The following CAMK1D variants were observed in gnomAD, a reference collection of about 807,000 sequenced individuals.
CAMK1D encodes calcium/calmodulin-dependent protein kinase type 1D.
CAMK1D carries 9 observed loss-of-function variants against 47.7 expected under a neutral mutation model. The observed-to-expected ratio is 0.19, with a 90% CI of 0.11 to 0.33. The LOEUF is 0.33. Ranked by LOEUF, CAMK1D falls within the 10% of genes least tolerant of loss-of-function variation. The pLI, the probability that CAMK1D is intolerant of heterozygous loss-of-function variation, is 1.00. For synonymous variants in CAMK1D, 184 were observed against 184.9 expected (o/e 0.99, Z 0.04); for missense variants, 291 against 488.7 (o/e 0.60, Z 3.81).
At chr10:12,412,848 CTG>C (rs1255476166) in intron 1 of CAMK1D, among the ~76,000 whole-genome samples, 1 of 152,094 alleles carries the variant, frequency 6.6e-6, no homozygotes, top group Non-Finnish European at 1.5e-5. Flanking sequence ...AGATGAATCA[CTG>C]GAGCATCTGT....
chr10:12,661,918 C>T (rs1840284375), intron 2 of CAMK1D, among the ~76,000 whole-genome samples: 1 of 152,218 alleles, frequency 6.6e-6, no homozygotes, highest in African/African-American at 2.4e-5. Context: ...CATCCCATTT[C>T]CCTTTTAAAT....
At chr10:12,619,705 A>C (rs1838932166) in intron 2 of CAMK1D, among the ~76,000 whole-genome samples, 2 of 152,148 alleles carry the variant, frequency 1.3e-5, no homozygotes, top group African/African-American at 2.4e-5. Flanking sequence ...TGTACCCTTT[A>C]CCAAGTTTCC....
chr10:12,814,091 A>C, intron 6 of CAMK1D, 104 bp from the exon 7 acceptor site: 2 of 770,800 alleles, frequency 2.6e-6, no homozygotes, highest in Non-Finnish European at 4.4e-6. Context: ...GCCTTGCCAG[A>C]TTTTCTTAAC....
chr10:12,640,623 T>C, intron 2 of CAMK1D, among the ~76,000 whole-genome samples: 1 of 152,176 alleles, frequency 6.6e-6, no homozygotes, highest in East Asian at 1.9e-4. Flanking sequence ...TTTTTTTTCT[T>C]ATGTGAGCTA....
rs7091058 is a variant in CAMK1D at position 12,517,097 on chromosome 10, G to A, written c.93-36128G>A. On this transcript the variant is annotated intron_variant, in intron 1 of 10. Coordinates refer to ENST00000619168, the MANE Select transcript of CAMK1D (RefSeq NM_153498.4). ...TTTCAGCATTTTATCCTGTATGTACGTTGTTATAGTAATGTTTACACCCAA... is the reference window on the plus strand; with the variant it reads ...TTTCAGCATTTTATCCTGTATGTACATTGTTATAGTAATGTTTACACCCAA... Among the ~76,000 whole-genome samples the A allele has an allele frequency of 1.3e-4, 20 of 151,924 alleles. No homozygotes were observed. The South Asian group carries it at 2.9e-3, about 22-fold the overall frequency.
chr10:12,365,270 C>G (rs1166811614), intron 1 of CAMK1D, among the ~76,000 whole-genome samples: 1 of 151,596 alleles, frequency 6.6e-6, no homozygotes, highest in Non-Finnish European at 1.5e-5. Flanking sequence ...TCTCTGAGTC[C>G]TGATGACCTT....
At chr10:12,752,676 A>T (rs1446937514) in intron 3 of CAMK1D, among the ~76,000 whole-genome samples, 2 of 152,228 alleles carry the variant, frequency 1.3e-5, no homozygotes, top group Non-Finnish European at 2.9e-5. Flanking sequence ...TTGTCATAGA[A>T]TCGGGGTCCT....
intron 1 of CAMK1D, among the ~76,000 whole-genome samples, chr10:12,433,891 G>A (rs1275989054): frequency 1.3e-5 from 2 of 152,184 alleles, no homozygotes; most frequent in African/African-American, 4.8e-5. Flanking sequence ...GGGGATTTCA[G>A]GTCCCCCAGT....
intron 1 of CAMK1D, among the ~76,000 whole-genome samples, chr10:12,380,623 C>T (rs1008644011): frequency 3.3e-5 from 5 of 152,096 alleles, no homozygotes; most frequent in Admixed American, 6.6e-5. Flanking sequence ...TTTGGGAGGC[C>T]AAGGCGGGCG....
At chr10:12,525,982 T>A (rs1409126510) in intron 1 of CAMK1D, among the ~76,000 whole-genome samples, 1 of 152,162 alleles carries the variant, frequency 6.6e-6, no homozygotes, top group Non-Finnish European at 1.5e-5. Flanking sequence ...TCAAATTCCT[T>A]CCTGACCTCC....
At chr10:12,377,311 T>A (rs1838213916) in intron 1 of CAMK1D, among the ~76,000 whole-genome samples, 1 of 152,166 alleles carries the variant, frequency 6.6e-6, no homozygotes, top group African/African-American at 2.4e-5. Context: ...TGGCAAAAGG[T>A]CATGGAAAAT....
At chr10:12,765,024 G>T (rs1310570460) in intron 4 of CAMK1D, among the ~76,000 whole-genome samples, 2 of 152,208 alleles carry the variant, frequency 1.3e-5, no homozygotes, top group African/African-American at 4.8e-5. Context: ...GAACCCAAGA[G>T]GCGGAGGTTG....
intron 1 of CAMK1D, among the ~76,000 whole-genome samples, chr10:12,534,130 TAACA>T (rs1168855948): frequency 6.6e-6 from 1 of 152,226 alleles, no homozygotes; most frequent in Non-Finnish European, 1.5e-5. Context: ...TTAGCTCTTG[TAACA>T]AACAAACCTC....
At chr10:12,395,815 T>G (rs928112759) in intron 1 of CAMK1D, among the ~76,000 whole-genome samples, 5 of 151,722 alleles carry the variant, frequency 3.3e-5, no homozygotes, top group African/African-American at 1.2e-4. Context: ...TAGTTCCAGC[T>G]ACTTAGGAGG....
chr10:12,629,514 T>C (rs1839317435), intron 2 of CAMK1D, among the ~76,000 whole-genome samples: 1 of 152,206 alleles, frequency 6.6e-6, no homozygotes, highest in Admixed American at 6.5e-5. Flanking sequence ...GTTGTCAGAC[T>C]ATTACAGGGA....
At chr10:12,352,133 A>G (rs1291863503) in intron 1 of CAMK1D, among the ~76,000 whole-genome samples, 2 of 152,224 alleles carry the variant, frequency 1.3e-5, no homozygotes, top group African/African-American at 4.8e-5. Context: ...AGAGATAATT[A>G]TGTGAGCTAC....
rs374115775 is a variant in CAMK1D at position 12,366,677 on chromosome 10, C to T, written c.92+16767C>T. On this transcript the variant is annotated intron_variant, in intron 1 of 10. Transcript: ENST00000619168. ...ATGTCTTAAAAAAAAAAAGAAGAGTCAATCATTGGCTGGATGGATCCTGGG... is the reference window on the plus strand; with the variant it reads ...ATGTCTTAAAAAAAAAAAGAAGAGTTAATCATTGGCTGGATGGATCCTGGG... 8.6e-5 allele frequency among the ~76,000 whole-genome samples: 13 copies of T among 151,472 alleles called. No individual in the cohort carries two copies. The South Asian group carries it at 2.3e-3, about 27-fold the overall frequency.
chr10:12,427,247 G>A (rs1564333399), intron 1 of CAMK1D, among the ~76,000 whole-genome samples: 1 of 152,200 alleles, frequency 6.6e-6, no homozygotes, highest in East Asian at 1.9e-4. Context: ...ATTCCAGAGG[G>A]TGGGTAGGGT....
intron 1 of CAMK1D, among the ~76,000 whole-genome samples, chr10:12,382,574 C>T (rs1482287518): frequency 1.3e-5 from 2 of 152,236 alleles, no homozygotes; most frequent in South Asian, 2.1e-4. Context: ...CCTGTAATCT[C>T]AGCACTTTGG....
Sources: gnomAD v4.1 joint callset for allele counts (sites outside exome capture counted in the v4.1 genomes callset) on GRCh38, gnomAD v4.1.1 for gene constraint, MANE v1.5 for transcripts, NCBI Gene and HGNC (gene_info 2026-07-23, HGNC 2026-07-21) for gene names.